The following BCAR1 variants were observed in gnomAD, a reference collection of about 807,000 sequenced individuals.
BCAR1 encodes the protein BCAR1 scaffold protein, Cas family member.
A neutral mutation model predicts 67.6 loss-of-function variants in BCAR1; 30 were observed. That is an observed-to-expected ratio of 0.44 (90% CI 0.33 to 0.60). The LOEUF (loss-of-function observed/expected upper bound fraction) is 0.60, where lower values mean the gene tolerates loss of function less well. Among genes scored for constraint, BCAR1 ranks in the 20% least tolerant of loss-of-function variants. BCAR1 has a pLI of 0.02. For synonymous variants in BCAR1, 626 were observed against 556.7 expected (o/e 1.12, Z -1.75); for missense variants, 1,313 against 1,222.3 (o/e 1.07, Z -1.11).
At chr16:75,247,182 C>G (rs978068814) in intron 1 of BCAR1, 3 of 154,070 alleles carry the variant, frequency 1.9e-5, no homozygotes, top group African/African-American at 7.2e-5. Flanking sequence ...GACAGGAGGA[C>G]AAGTCTACCT....
chr16:75,236,688 T>C (rs1330489897), intron 4 of BCAR1, 194 bp downstream of exon 4: 2 of 1,181,008 alleles, frequency 1.7e-6, no homozygotes, highest in East Asian at 2.9e-5. Flanking sequence ...CAGGCGGTTC[T>C]GCCGACAAAG....
At chr16:75,236,103 G>C (rs1295231724) in intron 4 of BCAR1, 117 bp from the exon 5 acceptor site, 9 of 1,323,322 alleles carry the variant, frequency 6.8e-6, no homozygotes, top group African/African-American at 1.5e-5. Flanking sequence ...CACACACACA[G>C]AGGCACGCGC....
In BCAR1 at chr16:75,251,604, T is replaced by G; in HGVS notation, c.-122A>C. The G allele has an allele frequency of 9.8e-7, 1 of 1,022,980 alleles. No individual in the cohort carries two copies. The highest frequency in any genetic ancestry group is 1.2e-6 in the Non-Finnish European group (1 of 856,374). The allele number at this position is 1,022,980 out of a possible 1,614,324, so 63.4% of individuals were successfully genotyped here. Reference sequence around the variant, plus strand: ...CCGGTGCCGCCGCGCAGCTGCCGCCTCGGCCACCCAGAGCCGGTCCAGCCG... The same window carrying G: ...CCGGTGCCGCCGCGCAGCTGCCGCCGCGGCCACCCAGAGCCGGTCCAGCCG... On this transcript the variant is annotated 5_prime_UTR_variant, in exon 1 of 7. Transcript: ENST00000162330.
rs921736856 is a variant in BCAR1 at position 75,265,957 on chromosome 16, T to C, written c.66+1958A>G. On this transcript the variant is annotated intron_variant, in intron 1 of 6. Transcript: ENST00000393422. ...GGCGCTTTCCGGCTCCTCCGGCTCCTGAGCGTTCCCGGACGCCGGACTGTC... is the reference window on the plus strand; with the variant it reads ...GGCGCTTTCCGGCTCCTCCGGCTCCCGAGCGTTCCCGGACGCCGGACTGTC... 7.4e-6 allele frequency: 8 copies of C among 1,076,258 alleles called. No homozygotes were observed. In the African/African-American group the frequency reaches 8.4e-5, roughly 11 times the overall value. The allele number at this position is 1,076,258 out of a possible 1,614,324, so 66.7% of individuals were successfully genotyped here.
rs1421299991 is a variant in BCAR1 at position 75,251,580 on chromosome 16, C to T, written c.-98G>A. The T allele has an allele frequency of 2.8e-6, 3 of 1,061,902 alleles. No homozygotes were observed. The highest frequency in any genetic ancestry group is 1.4e-4 in the East Asian group (2 of 14,116). The allele number at this position is 1,061,902 out of a possible 1,614,324, so 65.8% of individuals were successfully genotyped here. On this transcript the variant is annotated 5_prime_UTR_variant, in exon 1 of 7. Transcript: ENST00000162330. ...GGCTCCGAGCGCGCCGCAGCCGCCC[C>T]GGTGCCGCCGCGCAGCTGCCGCCTC... is the stretch of plus-strand genomic sequence containing the variant.
chr16:75,241,872 GT>G (rs1320863575), intron 2 of BCAR1, among the ~76,000 whole-genome samples: 1 of 152,104 alleles, frequency 6.6e-6, no homozygotes, highest in African/African-American at 2.4e-5. Flanking sequence ...CAGAGGTCTT[GT>G]CCCCAGGCCC....
intron 6 of BCAR1, among the ~76,000 whole-genome samples, chr16:75,231,674 T>C (rs990199751): frequency 6.6e-6 from 1 of 152,228 alleles, no homozygotes; most frequent in Non-Finnish European, 1.5e-5. Context: ...ATTCATCAGA[T>C]ACGTGCAAAG....
intron 1 of BCAR1, chr16:75,247,916 ATGGG>A (rs1361979554): frequency 1.4e-6 from 1 of 733,058 alleles, no homozygotes; most frequent in Non-Finnish European, 2.5e-6. Flanking sequence ...AGACAAGGAA[ATGGG>A]TAATAGTGCC....
intron 2 of BCAR1, chr16:75,238,152 T>C: frequency 3.1e-6 from 4 of 1,280,262 alleles, no homozygotes; most frequent in Admixed American, 2.3e-5. Flanking sequence ...GGCAGCACAA[T>C]GGCCTGCCCA....
chr16:75,253,556 G>C (rs898426896), upstream of BCAR1, among the ~76,000 whole-genome samples: 1 of 152,202 alleles, frequency 6.6e-6, no homozygotes, highest in African/African-American at 2.4e-5. Context: ...ACAGCACTGG[G>C]GGTGGGGCTG....
In BCAR1 at chr16:75,242,968, G is replaced by C. The variant is rs757869268; in HGVS notation, c.135C>G (p.Leu45=). Residue 45 remains leucine, a synonymous_variant, in exon 2 of 7, where the codon CTC becomes CTG. Transcript: ENST00000162330. ...QDTQGLDGWW[L]CSLHGRQGIV... ...TGCCCTGGCGCCCATGCAGCGAGCAGAGCCACCAGCCGTCCAGGCCCTGCG... is the reference window on the plus strand; with the variant it reads ...TGCCCTGGCGCCCATGCAGCGAGCACAGCCACCAGCCGTCCAGGCCCTGCG... The C allele has an allele frequency of 6.2e-7, 1 of 1,613,434 alleles. No homozygotes were observed. Among genetic ancestry groups the C allele is most frequent in the East Asian group, 2.2e-5 (1 of 44,866 alleles).
rs145776556 is a variant in BCAR1, at chr16:75,230,094, C to A, written c.2101-71G>T. On this transcript the variant is annotated intron_variant, in intron 6 of 6. Transcript: ENST00000162330. ...TTGGAACTACAGGCCGAGACCTGGG[C>A]ACCCTGGGCTGGGCTTCTCTAAAAG... 5.2e-4 allele frequency: 786 copies of A among 1,500,020 alleles called. 7 individuals are homozygous for A. The African/African-American group carries it at 9.0e-3, about 17-fold the overall frequency. The allele number at this position is 1,500,020 out of a possible 1,614,324, so 92.9% of individuals were successfully genotyped here.
chr16:75,237,265 C>G lies in BCAR1; in HGVS notation c.713G>C (p.Arg238Pro). The change falls in exon 3 of 7, where the codon CGA becomes CCA. Residue 238 changes from arginine (R) to proline (P), a missense_variant. Arg to Pro is a moderately radical substitution (Grantham distance 103). Transcript: ENST00000162330. ...QPEQDEYDIPRHLLAPGPQDI... is the reference protein window; with the variant it reads ...QPEQDEYDIPPHLLAPGPQDI... Reference sequence around the variant, plus strand: ...CTGTGGCCCCGGGGCCAGCAGGTGTCGCGGGATGTCGTACTCGTCCTGCTC... The same window carrying G: ...CTGTGGCCCCGGGGCCAGCAGGTGTGGCGGGATGTCGTACTCGTCCTGCTC... The G allele has an allele frequency of 6.6e-7, 1 of 1,523,404 alleles. No individual in the cohort carries two copies. 94.4% of individuals were successfully genotyped at this position (1,523,404 alleles called of 1,614,324 possible). A position where few individuals can be genotyped will look rare whatever the true frequency, so the allele number is the denominator to read the frequency against.
In BCAR1 at chr16:75,240,030, C is replaced by T. The variant is rs562395768; in HGVS notation, c.633+2440G>A. ...GCCCTCAGATTCCTACAGCCCACAC[C>T]CGGCCCAAAGAGTCTCGGTGCCAGT... On this transcript the variant is annotated intron_variant, in intron 2 of 6. Transcript: ENST00000162330. Among the ~76,000 whole-genome samples the T allele has an allele frequency of 5.3e-5, 8 of 152,334 alleles. No individual in the cohort carries two copies. The East Asian group carries it at 1.5e-3, about 29-fold the overall frequency.
At chr16:75,244,017 G>A (rs868100332) in intron 1 of BCAR1, among the ~76,000 whole-genome samples, 1 of 152,184 alleles carries the variant, frequency 6.6e-6, no homozygotes, top group Non-Finnish European at 1.5e-5. Context: ...CCAGGGCTGC[G>A]GCCCCTCCTA....
At chr16:75,255,820 C>T (rs1274377769), upstream of BCAR1, among the ~76,000 whole-genome samples, 2 of 152,064 alleles carry the variant, frequency 1.3e-5, no homozygotes, top group African/African-American at 2.4e-5. Context: ...GGTGAAACCC[C>T]GTCTCTACTA....
At chr16:75,248,593 A>T (rs145062425) in intron 1 of BCAR1, 5,454 of 183,462 alleles carry the variant, frequency 0.03, 131 homozygotes, top group Middle Eastern at 0.11. Context: ...CTTAGTGGCA[A>T]CTTCCCCTAA....
intron 2 of BCAR1, chr16:75,238,885 C>G: frequency 1.0e-6 from 1 of 985,412 alleles, no homozygotes; most frequent in Non-Finnish European, 1.2e-6. Flanking sequence ...GCCTCCCAGC[C>G]TCCCAAAGGC....
Position 75,242,921 on chromosome 16 carries a change from T to A in BCAR1, c.182A>T (p.Lys61Met). ...RQGIVPGNRL[K>M]ILVGMYDKKP... ...CTTATCATACATGCCCACCAAGATC[T>A]TGAGGCGGTTCCCAGGCACGATGCC... Residue 61 changes from lysine to methionine, a missense_variant, in exon 2 of 7, where the codon AAG (lysine) becomes ATG (methionine). Lys to Met is a moderately conservative substitution (Grantham distance 95). Transcript: ENST00000162330. 6.2e-7 allele frequency: 1 copy of A among 1,612,656 alleles called. No individual in the cohort carries two copies. The highest frequency in any genetic ancestry group is 8.5e-7 in the Non-Finnish European group (1 of 1,179,772).
Sources: gnomAD v4.1 joint callset for allele counts (sites outside exome capture counted in the v4.1 genomes callset) on GRCh38, gnomAD v4.1.1 for gene constraint, MANE v1.5 for transcripts, NCBI Gene and HGNC (gene_info 2026-07-23, HGNC 2026-07-21) for gene names.